Variants in GSE1 observed in about 807,000 individuals in gnomAD.
The protein encoded by GSE1 is Gse1 coiled-coil protein, also known as genetic suppressor element 1.
Under a neutral mutation model 112.6 loss-of-function variants are expected in GSE1, and 32 were observed. The ratio of observed to expected loss-of-function variants is 0.28; its 90% confidence interval spans 0.21 to 0.38. The LOEUF is 0.38. Among genes scored for constraint, GSE1 ranks in the 10% least tolerant of loss-of-function variants. GSE1 has a pLI of 1.00. For missense variants in GSE1, 2,348 were observed against 1,699.2 expected (o/e 1.38, Z -6.71); for synonymous variants, 1,115 against 735.6 (o/e 1.52, Z -8.35).
intron 1 of GSE1, among the ~76,000 whole-genome samples, chr16:85,627,715 G>C (rs565344960): frequency 6.6e-6 from 1 of 151,022 alleles, no homozygotes; most frequent in Admixed American, 6.6e-5. Context: ...GCCTTCACAC[G>C]GTGGAGCGTA....
chr16:85,474,257 A>G (rs942797954), intron 2 of GSE1, among the ~76,000 whole-genome samples: 1 of 152,034 alleles, frequency 6.6e-6, no homozygotes, highest in Non-Finnish European at 1.5e-5. Context: ...CCGGCATCTC[A>G]GTGCAGCCTC....
At chr16:85,544,182 G>C (rs946101781) in intron 2 of GSE1, among the ~76,000 whole-genome samples, 3 of 152,154 alleles carry the variant, frequency 2.0e-5, no homozygotes, top group South Asian at 4.1e-4. Context: ...TTGACATCTC[G>C]TGGGTCGAGG....
Position 85,408,537 on chromosome 16 carries a change from C to G in GSE1, c.2464+50894C>G, listed in dbSNP as rs1402711737. Among the ~76,000 whole-genome samples the G allele has an allele frequency of 9.6e-5, 4 of 41,508 alleles. 1 individual carries two copies. Among genetic ancestry groups the G allele is most frequent in the Non-Finnish European group, 2.0e-4 (4 of 20,214 alleles). The allele number at this position is 41,508 out of a possible 152,430, so 27.2% of individuals were successfully genotyped here. Reference sequence around the variant, plus strand: ...ACTCAGGCCCCCTGGATAATCCTCACTGTTACACTCAGGGCCCCCCGGATA... The same window carrying G: ...ACTCAGGCCCCCTGGATAATCCTCAGTGTTACACTCAGGGCCCCCCGGATA... On this transcript the variant is annotated intron_variant, in intron 2 of 2. Coordinates refer to the GSE1 transcript ENST00000637419.
chr16:85,467,802 T>G (rs543309296), intron 2 of GSE1, among the ~76,000 whole-genome samples: 6 of 152,244 alleles, frequency 3.9e-5, no homozygotes, highest in African/African-American at 1.4e-4. Flanking sequence ...TTGTGGATGT[T>G]TTTCAGGACT....
intron 2 of GSE1, among the ~76,000 whole-genome samples, chr16:85,361,684 T>C (rs1462971749): frequency 6.6e-6 from 1 of 152,186 alleles, no homozygotes; most frequent in Non-Finnish European, 1.5e-5. Context: ...GGACAGCAGC[T>C]TTTGCCAGGG....
Position 85,478,948 on chromosome 16 carries a change from T to TC in GSE1, c.2464+121305_2464+121306insC, listed in dbSNP as rs1262466329. Among the ~76,000 whole-genome samples, 8 of 96,090 alleles carry TC rather than the reference T, an allele frequency of 8.3e-5. 1 individual carries two copies. The highest frequency in any genetic ancestry group is 6.3e-4 in the South Asian group (2 of 3,160). 63.0% of individuals were successfully genotyped at this position (96,090 alleles called of 152,430 possible). A position where few individuals can be genotyped will look rare whatever the true frequency, so the allele number is the denominator to read the frequency against. On this transcript the variant is annotated intron_variant, in intron 2 of 2. Coordinates refer to the GSE1 transcript ENST00000637419. ...CTTTCTCTTTCTTTCTTTCTTTCTTTTTTTTTCTTTCTTTCTTTCCTTCCT... is the reference window on the plus strand; with the variant it reads ...CTTTCTCTTTCTTTCTTTCTTTCTTTCTTTTTTCTTTCTTTCTTTCCTTCCT...
At chr16:85,207,981 C>CCGG (rs762416453) in intron 1 of GSE1, 1 of 151,720 alleles carries the variant, frequency 6.6e-6, no homozygotes, top group Non-Finnish European at 1.5e-5. Flanking sequence ...GGTGACCTCA[C>CCGG]AGGAGGGTGT....
At chr16:85,395,256 C>G (rs2047939750) in intron 2 of GSE1, among the ~76,000 whole-genome samples, 1 of 152,136 alleles carries the variant, frequency 6.6e-6, no homozygotes, top group African/African-American at 2.4e-5. Flanking sequence ...ATACGAGGCC[C>G]AGAAAAATCC....
At chr16:85,583,920 G>T (rs1488067655) in intron 1 of GSE1, among the ~76,000 whole-genome samples, 2 of 152,178 alleles carry the variant, frequency 1.3e-5, no homozygotes, top group African/African-American at 4.8e-5. Flanking sequence ...GACAGTGATG[G>T]TCCAGTGAGT....
intron 1 of GSE1, among the ~76,000 whole-genome samples, chr16:85,203,086 C>A (rs1318285110): frequency 6.6e-6 from 1 of 151,820 alleles, no homozygotes; most frequent in East Asian, 1.9e-4. Context: ...GCCTGGATTT[C>A]TCCTGAGATG....
intron 3 of GSE1, among the ~76,000 whole-genome samples, chr16:85,652,845 T>G (rs923197651): frequency 1.3e-5 from 2 of 152,006 alleles, no homozygotes; most frequent in African/African-American, 4.8e-5. Context: ...GCCTCCTTGT[T>G]TTTTGGGTGT....
At chr16:85,518,278 G>T (rs551323497) in intron 2 of GSE1, among the ~76,000 whole-genome samples, 1 of 152,330 alleles carries the variant, frequency 6.6e-6, no homozygotes, top group East Asian at 1.9e-4. Context: ...AATGAAGGGG[G>T]TCTCTGGGTG....
chr16:85,195,645 G>C (rs1452431491), intron 1 of GSE1, among the ~76,000 whole-genome samples: 1 of 152,180 alleles, frequency 6.6e-6, no homozygotes, highest in African/African-American at 2.4e-5. Context: ...TCCAGGGGGT[G>C]CATTTGCACC....
chr16:85,525,102 G>A (rs956111396), intron 2 of GSE1, among the ~76,000 whole-genome samples: 7 of 152,142 alleles, frequency 4.6e-5, no homozygotes, highest in Admixed American at 3.9e-4. Flanking sequence ...GGGGGGTTTC[G>A]CCAGCCTCCT....
intron 2 of GSE1, among the ~76,000 whole-genome samples, chr16:85,494,971 G>A (rs1041777395): frequency 9.2e-5 from 14 of 151,352 alleles, no homozygotes; most frequent in Non-Finnish European, 1.9e-4. Flanking sequence ...GGTGGGCTGT[G>A]GAGAGGTCAA....
At chr16:85,456,932 C>T (rs1236386141) in intron 2 of GSE1, among the ~76,000 whole-genome samples, 1 of 152,162 alleles carries the variant, frequency 6.6e-6, no homozygotes, top group Non-Finnish European at 1.5e-5. Context: ...CAGGACAAAA[C>T]GGGCCTTGCC....
In GSE1 at chr16:85,642,513, G is replaced by A. The variant is rs115903988; in HGVS notation, c.227-6039G>A. ...CAAGGGGCTGAGACAGGGGTCTGTC[G>A]CTCACCCATCTGTTCAAGCTGCCCC... On this transcript the variant is annotated intron_variant, in intron 2 of 15. Coordinates refer to ENST00000253458, the MANE Select transcript of GSE1 (RefSeq NM_014615.5). Among the ~76,000 whole-genome samples, 634 of 152,292 alleles carry A rather than the reference G, an allele frequency of 4.2e-3. 7 individuals carry two copies. Among genetic ancestry groups the A allele is most frequent in the African/African-American group, 0.013 (547 of 41,548 alleles).
intron 2 of GSE1, among the ~76,000 whole-genome samples, chr16:85,520,880 A>G (rs915015588): frequency 2.6e-5 from 4 of 152,194 alleles, no homozygotes; most frequent in Non-Finnish European, 5.9e-5. Flanking sequence ...TCCTAAGTAC[A>G]GGACCAAGGA....
In GSE1 at chr16:85,230,955, GGATA is replaced by G. The variant is rs1335005728; in HGVS notation, c.2283+59152_2283+59155del. Among the ~76,000 whole-genome samples the G allele has an allele frequency of 4.6e-5, 7 of 152,080 alleles. No homozygotes were observed. In the South Asian group the frequency reaches 8.4e-4, roughly 18 times the overall value. On this transcript the variant is annotated intron_variant, in intron 1 of 2. Coordinates refer to the GSE1 transcript ENST00000637419. ...TGAATGGATGGACAGACGGATGGAT[GGATA>G]GATGGATGGACGGACGGACGGATGG...
Sources: gnomAD v4.1 joint callset for allele counts (sites outside exome capture counted in the v4.1 genomes callset) on GRCh38, gnomAD v4.1.1 for gene constraint, MANE v1.5 for transcripts, NCBI Gene and HGNC (gene_info 2026-07-23, HGNC 2026-07-21) for gene names.